Variants in CUX2 observed in about 807,000 individuals in gnomAD.
CUX2 encodes homeobox protein cut-like 2.
Under a neutral mutation model 144.8 loss-of-function variants are expected in CUX2, and 40 were observed. The ratio of observed to expected loss-of-function variants is 0.28; its 90% CI spans 0.21 to 0.36. The LOEUF is 0.36. Ranked by LOEUF, CUX2 falls within the 10% of genes least tolerant of loss-of-function variation. The pLI, the probability that CUX2 is intolerant of heterozygous loss-of-function variation, is 1.00. For missense variants in CUX2, 1,615 were observed against 1,994.0 expected (o/e 0.81, Z 3.62); for synonymous variants, 827 against 875.6 (o/e 0.94, Z 0.98).
At chr12:111,144,431 G>A (rs952168793) in intron 1 of CUX2, among the ~76,000 whole-genome samples, 2 of 152,156 alleles carry the variant, frequency 1.3e-5, no homozygotes, top group Non-Finnish European at 2.9e-5. Context: ...CGGTCACTAG[G>A]CTGCCTTTTC....
At position 111,255,314 on chromosome 12, in the gene CUX2, C is replaced by T. The variant is rs954943327; in HGVS notation, c.223-8447C>T. Among the ~76,000 whole-genome samples, 1 of 152,220 alleles carries T rather than the reference C, an allele frequency of 6.6e-6. No individual in the cohort carries two copies. The highest frequency in any genetic ancestry group is 2.4e-5 in the African/African-American group (1 of 41,452). ...GTAGCTATCAAAAACAAAAGTCAAA[C>T]TTATTTCTTATTTAATCCCTGACAT... On this transcript the variant is annotated intron_variant, in intron 3 of 21. Coordinates refer to ENST00000261726, the MANE Select transcript of CUX2 (RefSeq NM_015267.4). The surrounding 1 kb of genome is among the most constrained non-coding windows in gnomAD (Gnocchi z 4.1).
intron 4 of CUX2, among the ~76,000 whole-genome samples, chr12:111,284,104 C>T (rs564858784): frequency 2.6e-5 from 4 of 152,152 alleles, no homozygotes; most frequent in Admixed American, 6.6e-5. Context: ...GTATCTCTTG[C>T]ATCAAGTTCA....
At chr12:111,290,234 G>A (rs1885596051) in intron 4 of CUX2, among the ~76,000 whole-genome samples, 1 of 152,112 alleles carries the variant, frequency 6.6e-6, no homozygotes, top group Non-Finnish European at 1.5e-5. Flanking sequence ...GCATGGTGGT[G>A]CACACCCTTG....
chr12:111,332,202 G>A (rs1251333987), intron 18 of CUX2, among the ~76,000 whole-genome samples: 7 of 135,902 alleles, frequency 5.2e-5, no homozygotes, highest in African/African-American at 1.1e-4. Flanking sequence ...GTGTGATCTC[G>A]GCTCTCTGCG....
rs138402296 is a variant in CUX2, at chr12:111,074,041, TAA to T, written c.63+39811_63+39812del. 5.1e-4 allele frequency among the ~76,000 whole-genome samples: 76 copies of T among 147,672 alleles called. 1 individual carries two copies. Among genetic ancestry groups the T allele is most frequent in the African/African-American group, 1.6e-3 (64 of 40,216 alleles). On this transcript the variant is annotated intron_variant, in intron 1 of 21. Coordinates refer to ENST00000261726, the MANE Select transcript of CUX2 (RefSeq NM_015267.4). ...TGCAATGTTTGGGATATACTTATAC[TAA>T]AAAAAAAAATCATACATTGTTTATC...
At chr12:111,081,593 G>A (rs1871891379) in intron 1 of CUX2, among the ~76,000 whole-genome samples, 1 of 152,072 alleles carries the variant, frequency 6.6e-6, no homozygotes. Flanking sequence ...TCCACCTATA[G>A]GAAGGAGATT....
intron 1 of CUX2, among the ~76,000 whole-genome samples, chr12:111,042,434 G>T (rs979584036): frequency 6.6e-6 from 1 of 152,026 alleles, no homozygotes; most frequent in Admixed American, 6.6e-5. Context: ...TGTGAGCTGC[G>T]GAATCAAGCC....
intron 2 of CUX2, among the ~76,000 whole-genome samples, chr12:111,217,306 C>T (rs1472170672): frequency 1.3e-5 from 2 of 152,170 alleles, no homozygotes; most frequent in Non-Finnish European, 1.5e-5. Context: ...AGAAACTGCA[C>T]GTTCTGGTGA....
rs1028025367 is a variant in CUX2 at position 111,287,286 on chromosome 12, C to T, written c.302-4132C>T. Among the ~76,000 whole-genome samples the T allele has an allele frequency of 2.6e-5, 4 of 152,244 alleles. No individual in the cohort carries two copies. The highest frequency in any genetic ancestry group is 5.9e-5 in the Non-Finnish European group (4 of 68,046). On this transcript the variant is annotated intron_variant, in intron 4 of 21. Transcript: ENST00000261726. This position sits in a 1 kb window ranked among gnomAD's most constrained non-coding sequence, Gnocchi z 4.2. ...GCTCATGGCCAGCAGGGCCCCTGGG[C>T]CACGAGCCGGATCCTCCCCCTCCTT...
At chr12:111,149,436 G>A (rs961062009) in intron 1 of CUX2, among the ~76,000 whole-genome samples, 4 of 152,292 alleles carry the variant, frequency 2.6e-5, no homozygotes, top group East Asian at 1.9e-4. Flanking sequence ...TCTGTTGTGG[G>A]GGGTTGCCTG....
intron 1 of CUX2, among the ~76,000 whole-genome samples, chr12:111,135,617 G>C (rs867523614): frequency 6.6e-6 from 1 of 152,170 alleles, no homozygotes; most frequent in Non-Finnish European, 1.5e-5. Context: ...AATACAATGT[G>C]GTCTGTCCAT....
At chr12:111,341,720 G>T in intron 20 of CUX2, 60 bp from the exon 21 acceptor site, 1 of 1,512,398 alleles carries the variant, frequency 6.6e-7, no homozygotes, top group Non-Finnish European at 8.8e-7. Context: ...ACTCCTGCTG[G>T]CCAGGAACTT....
At position 111,332,697 on chromosome 12, in the gene CUX2, A is replaced by G. The variant is rs1240974028; in HGVS notation, c.2927-1744A>G. On this transcript the variant is annotated intron_variant, in intron 18 of 21. Transcript: ENST00000261726. ...ACTCCCTGCACTGTACCCAGTTTGA[A>G]CAGTTATTAATTTTGCCATAATCGT... Among the ~76,000 whole-genome samples, 4 of 152,208 alleles carry G rather than the reference A, an allele frequency of 2.6e-5. No individual in the cohort carries two copies. In the East Asian group the frequency reaches 5.8e-4, roughly 22 times the overall value.
chr12:111,041,774 C>T lies in CUX2; in HGVS notation c.63+7534C>T, dbSNP rs140520418. On this transcript the variant is annotated intron_variant, in intron 1 of 21. Transcript: ENST00000261726. Reference sequence around the variant, plus strand: ...GTCCTCAGTGGGTCAGGCCAGCTGTCGGAGTCCTGAGGAGGGTCTTCTCTG... The same window carrying T: ...GTCCTCAGTGGGTCAGGCCAGCTGTTGGAGTCCTGAGGAGGGTCTTCTCTG... Among the ~76,000 whole-genome samples, 32 of 152,304 alleles carry T rather than the reference C, an allele frequency of 2.1e-4. No homozygotes were observed. In the East Asian group the frequency reaches 2.1e-3, roughly 10 times the overall value.
At chr12:111,243,690 GTGATCAAC>G (rs1284380906) in intron 3 of CUX2, among the ~76,000 whole-genome samples, 1 of 151,866 alleles carries the variant, frequency 6.6e-6, no homozygotes, top group Non-Finnish European at 1.5e-5. Context: ...CTTAAGTAGA[GTGATCAAC>G]TGTCACAGCT....
chr12:111,117,183 T>C (rs1031804778), intron 1 of CUX2, among the ~76,000 whole-genome samples: 1 of 152,218 alleles, frequency 6.6e-6, no homozygotes, highest in African/African-American at 2.4e-5. Flanking sequence ...AATGTATCAG[T>C]AAGTACAGGC....
chr12:111,306,818 A>G, intron 10 of CUX2, 103 bp from the exon 11 acceptor site: 1 of 924,568 alleles, frequency 1.1e-6, no homozygotes, highest in Non-Finnish European at 1.7e-6. Flanking sequence ...CATCATCCAG[A>G]TCAACAAATT....
intron 3 of CUX2, among the ~76,000 whole-genome samples, chr12:111,249,085 G>A (rs1883423167): frequency 1.3e-5 from 2 of 152,304 alleles, no homozygotes; most frequent in Admixed American, 6.5e-5. Flanking sequence ...TGACCCCCGT[G>A]AACGAGGTGG....
intron 1 of CUX2, among the ~76,000 whole-genome samples, chr12:111,112,869 T>C (rs568121116): frequency 6.6e-6 from 1 of 152,380 alleles, no homozygotes; most frequent in South Asian, 2.1e-4. Flanking sequence ...TCCTAAGTAC[T>C]GGGTCATTGG....
Sources: allele counts gnomAD v4.1 joint callset (sites outside exome capture counted in the v4.1 genomes callset), GRCh38; gene constraint gnomAD v4.1.1; non-coding constraint Gnocchi (gnomAD v3.1); transcripts MANE v1.5; gene names NCBI Gene and HGNC (gene_info 2026-07-23, HGNC 2026-07-21).